The following MGST1 variants were observed in gnomAD, a reference collection of about 807,000 sequenced individuals.
MGST1 encodes the protein microsomal glutathione S-transferase 1.
MGST1 carries 5 observed loss-of-function variants against 8.9 expected under a neutral mutation model. The ratio of observed to expected loss-of-function variants is 0.56; its 90% CI spans 0.29 to 1.19. The LOEUF is 1.19. Among genes scored for constraint, MGST1 ranks in the 50% most tolerant of loss-of-function variants. The probability of loss-of-function intolerance (pLI) is 0.08; values close to 1 mark genes in which losing one functional copy is unlikely to be tolerated. For missense variants in MGST1, 182 were observed against 187.4 expected, an observed-to-expected ratio of 0.97 and a Z score of 0.17; for synonymous variants, 54 against 67.8, an observed-to-expected ratio of 0.80 and a Z score of 1.00.
At chr12:16,563,430 C>T (rs1488081688) in intron 4 of MGST1, among the ~76,000 whole-genome samples, 1 of 151,934 alleles carries the variant, frequency 6.6e-6, no homozygotes, top group African/African-American at 2.4e-5. Context: ...ATTTGGGTTT[C>T]GAGGCAAAAG....
At chr12:16,574,902 C>G (rs961255788) in intron 4 of MGST1, among the ~76,000 whole-genome samples, 4 of 152,076 alleles carry the variant, frequency 2.6e-5, no homozygotes, top group Non-Finnish European at 5.9e-5. Flanking sequence ...AGAAATCTGG[C>G]CGAGTCCGAG....
chr12:16,457,366 C>A (rs1815908602), intron 4 of MGST1, among the ~76,000 whole-genome samples: 2 of 151,762 alleles, frequency 1.3e-5, no homozygotes, highest in South Asian at 2.1e-4. Context: ...CAAAGTTGGT[C>A]ATCTTATTAG....
exon 2 of MGST1, chr12:16,437,874 A>AG: frequency 6.6e-6 from 1 of 151,052 alleles, no homozygotes; most frequent in South Asian, 2.1e-4. Context: ...AAAAGTAGAA[A>AG]AAAACCCCTC....
At chr12:16,534,279 A>G (rs1941740946) in intron 4 of MGST1, among the ~76,000 whole-genome samples, 1 of 152,236 alleles carries the variant, frequency 6.6e-6, no homozygotes, top group Non-Finnish European at 1.5e-5. Context: ...TATATTCGAT[A>G]TGCACATTTG....
At chr12:16,534,476 G>A (rs1207571853) in intron 4 of MGST1, among the ~76,000 whole-genome samples, 1 of 152,082 alleles carries the variant, frequency 6.6e-6, no homozygotes, top group Non-Finnish European at 1.5e-5. Flanking sequence ...TCTTTTTATT[G>A]TGTATTCTAG....
At chr12:16,356,918 C>T (rs1359411596) in intron 2 of MGST1, among the ~76,000 whole-genome samples, 4 of 152,130 alleles carry the variant, frequency 2.6e-5, no homozygotes, top group Non-Finnish European at 4.4e-5. Flanking sequence ...ATGAGCCAAT[C>T]GCTTGGAAAT....
chr12:16,487,715 G>A lies in MGST1; in HGVS notation n.483-101813G>A, dbSNP rs145792328. ...CAGGCTGGAGGGCAGTGGCGTGATCGTAGCTCACTGCAGCCTCAAACTCCT... is the reference window on the plus strand; with the variant it reads ...CAGGCTGGAGGGCAGTGGCGTGATCATAGCTCACTGCAGCCTCAAACTCCT... On this transcript the variant is annotated intron_variant and non_coding_transcript_variant, in intron 4 of 4. Transcript: ENST00000538857. Among the ~76,000 whole-genome samples the A allele has an allele frequency of 9.7e-3, 1,474 of 151,994 alleles. 25 individuals are homozygous for A. Among genetic ancestry groups the A allele is most frequent in the African/African-American group, 0.034 (1,399 of 41,474 alleles).
chr12:16,412,991 A>G (rs1303269450), intron 1 of MGST1, among the ~76,000 whole-genome samples: 1 of 152,160 alleles, frequency 6.6e-6, no homozygotes, highest in South Asian at 2.1e-4. Context: ...CAGAACATAG[A>G]TAATATGTCA....
chr12:16,583,106 C>T (rs1943217045), intron 4 of MGST1, among the ~76,000 whole-genome samples: 2 of 150,258 alleles, frequency 1.3e-5, no homozygotes, highest in South Asian at 2.1e-4. Context: ...CAGTAGAAAG[C>T]TTTTAAAGAG....
chr12:16,394,513 C>CCTTTCTTTCTTTCTTT (rs766001588), intron 1 of MGST1, among the ~76,000 whole-genome samples: 6 of 84,394 alleles, frequency 7.1e-5, no homozygotes, highest in African/African-American at 2.9e-4. Flanking sequence ...TCTTTCTCTC[C>CCTTTCTTTCTTTCTTT]CTTTCTTTCT....
In MGST1 at chr12:16,503,963, A is replaced by G. The variant is rs766699631; in HGVS notation, n.483-85565A>G. ...CGGTGCTGCTGTATGCTGCTGCCCT[A>G]TGCTGCTGCTTCGATAAAAGGTGTT... On this transcript the variant is annotated intron_variant and non_coding_transcript_variant, in intron 4 of 4. Transcript: ENST00000538857. This position sits in a 1 kb window ranked among gnomAD's most constrained non-coding sequence, Gnocchi z 4.8. 2.6e-5 allele frequency among the ~76,000 whole-genome samples: 4 copies of G among 152,114 alleles called. No homozygotes were observed. Among genetic ancestry groups the G allele is most frequent in the African/African-American group, 7.2e-5 (3 of 41,422 alleles).
chr12:16,487,802 A>T (rs1941409728), intron 4 of MGST1, among the ~76,000 whole-genome samples: 1 of 152,096 alleles, frequency 6.6e-6, no homozygotes, highest in Non-Finnish European at 1.5e-5. Context: ...GTGCACAACC[A>T]CACCTGGATA....
At chr12:16,495,466 A>G (rs1941463755) in intron 4 of MGST1, among the ~76,000 whole-genome samples, 1 of 152,136 alleles carries the variant, frequency 6.6e-6, no homozygotes, top group South Asian at 2.1e-4. Context: ...TCTAAAAGAA[A>G]CATTGAAGAA....
At position 16,537,745 on chromosome 12, in the gene MGST1, A is replaced by G. The variant is rs961093459; in HGVS notation, n.483-51783A>G. ...AGCTGTACCTTGGCCACTTTTAACA[A>G]CAGCTGGAGCAGCTGGGATGCAGGG... On this transcript the variant is annotated intron_variant and non_coding_transcript_variant, in intron 4 of 4. Coordinates refer to the MGST1 transcript ENST00000538857. The surrounding 1 kb of genome is among the most constrained non-coding windows in gnomAD (Gnocchi z 4.6). Among the ~76,000 whole-genome samples the G allele has an allele frequency of 2.0e-5, 3 of 152,182 alleles. No individual in the cohort carries two copies. Among genetic ancestry groups the G allele is most frequent in the Admixed American group, 6.5e-5 (1 of 15,282 alleles).
At chr12:16,562,948 A>G (rs1274589300) in intron 4 of MGST1, among the ~76,000 whole-genome samples, 4 of 152,182 alleles carry the variant, frequency 2.6e-5, no homozygotes, top group Non-Finnish European at 5.9e-5. Context: ...GATTCTGCAT[A>G]TGTGATTTTT....
At chr12:16,353,951 G>A (rs1056673734) in intron 1 of MGST1, among the ~76,000 whole-genome samples, 2 of 151,600 alleles carry the variant, frequency 1.3e-5, no homozygotes. Flanking sequence ...GTAGAGATGG[G>A]GTTTCACCAT....
At chr12:16,354,476 T>G (rs1037907897) in intron 2 of MGST1, 98 bp downstream of exon 2, 1 of 1,204,340 alleles carries the variant, frequency 8.3e-7, no homozygotes, top group Non-Finnish European at 1.2e-6. Context: ...TAAAGCCCAA[T>G]AGCACACTGT....
intron 1 of MGST1, among the ~76,000 whole-genome samples, chr12:16,405,416 A>T (rs575151457): frequency 6.6e-6 from 1 of 152,150 alleles, no homozygotes; most frequent in Non-Finnish European, 1.5e-5. Context: ...AAATTCAATC[A>T]GTAATGAACA....
At chr12:16,505,194 TACCACAGG>T in intron 4 of MGST1, among the ~76,000 whole-genome samples, 1 of 152,270 alleles carries the variant, frequency 6.6e-6, no homozygotes, top group South Asian at 2.1e-4. Context: ...TCTGCAGAGT[TACCACAGG>T]TCCCTTTGAA....
Sources: allele counts gnomAD v4.1 joint callset (sites outside exome capture counted in the v4.1 genomes callset), GRCh38; gene constraint gnomAD v4.1.1; non-coding constraint Gnocchi (gnomAD v3.1); transcripts MANE v1.5; gene names NCBI Gene and HGNC (gene_info 2026-07-23, HGNC 2026-07-21).